The following CD226 variants were observed in gnomAD, a reference collection of about 807,000 sequenced individuals.
CD226 encodes CD226 molecule.
CD226 carries 24 observed loss-of-function variants against 34.9 expected under a neutral mutation model. That is an observed-to-expected ratio of 0.69 (90% CI 0.50 to 0.97). The LOEUF is 0.97. Among genes scored for constraint, CD226 ranks in the 50% least tolerant of loss-of-function variants. The pLI, the probability that CD226 is intolerant of heterozygous loss-of-function variation, is 0.00. For synonymous variants in CD226, 148 were observed against 147.4 expected (o/e 1.00, Z -0.03); for missense variants, 397 against 412.7 (o/e 0.96, Z 0.33).
In CD226 at chr18:69,935,549, C is replaced by A. The variant is rs191445070; in HGVS notation, c.382+11185G>T. Among the ~76,000 whole-genome samples the A allele has an allele frequency of 5.7e-3, 872 of 152,344 alleles. 5 individuals carry two copies. Among genetic ancestry groups the A allele is most frequent in the South Asian group, 0.016 (79 of 4,832 alleles). On this transcript the variant is annotated intron_variant, in intron 2 of 5. Transcript: ENST00000582621. ...CATGTGTGAGGCCACAGTCCCCACG[C>A]TGCATTGGCACCCACACACCACCAA...
At chr18:69,892,762 T>C (rs1984982135) in intron 3 of CD226, among the ~76,000 whole-genome samples, 1 of 151,512 alleles carries the variant, frequency 6.6e-6, no homozygotes, top group African/African-American at 2.4e-5. Context: ...TGTGTGTGTG[T>C]CCGTGTCTGT....
chr18:69,920,974 T>C (rs1008865393), intron 2 of CD226, among the ~76,000 whole-genome samples: 3 of 152,206 alleles, frequency 2.0e-5, no homozygotes, highest in African/African-American at 7.2e-5. Flanking sequence ...AACTCAGCCC[T>C]GTGTATTTGT....
rs188527958 is a variant in CD226 at position 69,908,495 on chromosome 18, G to C, written c.383-12450C>G. On this transcript the variant is annotated intron_variant, in intron 2 of 5. Coordinates refer to ENST00000582621, the MANE Select transcript of CD226 (RefSeq NM_001303618.2). ...CAACAGCAAGAATGACTAACACAAAGATGATGAACAGTGTTCTTAACCAAA... is the reference window on the plus strand; with the variant it reads ...CAACAGCAAGAATGACTAACACAAACATGATGAACAGTGTTCTTAACCAAA... Among the ~76,000 whole-genome samples the C allele has an allele frequency of 1.1e-4, 17 of 152,318 alleles. No homozygotes were observed. The East Asian group carries it at 3.3e-3, about 29-fold the overall frequency.
intron 2 of CD226, among the ~76,000 whole-genome samples, chr18:69,910,831 A>G (rs2055315180): frequency 6.6e-6 from 1 of 152,206 alleles, no homozygotes; most frequent in Admixed American, 6.5e-5. Flanking sequence ...AGATTATTAG[A>G]AGGGTAAGAG....
rs561288026 is a variant in CD226 at position 69,857,530 on chromosome 18, G to GATCAATCATGT, written c.*6783_*6784insACATGATTGAT. 48 of 152,338 alleles carry GATCAATCATGT rather than the reference G, an allele frequency of 3.2e-4. 1 individual carries two copies. Among genetic ancestry groups the GATCAATCATGT allele is most frequent in the Admixed American group, 2.7e-3 (42 of 15,294 alleles). The allele number at this position is 152,338 out of a possible 1,614,324, so 9.4% of individuals were successfully genotyped here. A position where few individuals can be genotyped will look rare whatever the true frequency, so the allele number is the denominator to read the frequency against. On this transcript the variant is annotated 3_prime_UTR_variant, in exon 6 of 6. Transcript: ENST00000582621. ...GGCATAAAGGATGTAATGAATACAT[G>GATCAATCATGT]ATTGAATAAGGATATATCTTAAGAA...
chr18:69,916,769 G>T (rs1476646730), intron 2 of CD226, among the ~76,000 whole-genome samples: 1 of 152,154 alleles, frequency 6.6e-6, no homozygotes, highest in East Asian at 1.9e-4. Flanking sequence ...CTCAATATGA[G>T]CACCCAATGG....
At chr18:69,957,360 T>A (rs530308767), upstream of CD226, among the ~76,000 whole-genome samples, 5 of 152,064 alleles carry the variant, frequency 3.3e-5, no homozygotes, top group African/African-American at 1.2e-4. Context: ...CTTTTTTTTT[T>A]CTTTGTCTCC....
chr18:69,910,345 G>T (rs1425776062), intron 2 of CD226, among the ~76,000 whole-genome samples: 2 of 152,168 alleles, frequency 1.3e-5, no homozygotes, highest in Non-Finnish European at 2.9e-5. Context: ...GCGTGGATAT[G>T]AGGTACCCCT....
At chr18:69,917,390 A>T (rs1041150850) in intron 2 of CD226, among the ~76,000 whole-genome samples, 9 of 152,116 alleles carry the variant, frequency 5.9e-5, no homozygotes, top group African/African-American at 2.2e-4. Flanking sequence ...TCCCTCCCCC[A>T]GCACCATCTT....
chr18:69,896,297 T>C (rs12606481), intron 2 of CD226: 24,729 of 310,484 alleles, frequency 0.08, 1,100 homozygotes, highest in East Asian at 0.15. Context: ...TTCTCCTGCC[T>C]CAGCCTCCTG....
At chr18:69,871,658 A>G (rs558727217) in intron 4 of CD226, among the ~76,000 whole-genome samples, 1 of 152,368 alleles carries the variant, frequency 6.6e-6, no homozygotes, top group South Asian at 2.1e-4. Context: ...AATGCAGCCA[A>G]ATGTGGGGAA....
chr18:69,864,230 C>A lies in CD226; in HGVS notation c.*84G>T. The stretch of plus-strand genomic sequence containing the variant: ...CAGACAACTAGTATCTAAGGTAGAC[C>A]TTGGGTAGTGGAAAAAAATTGCATA... On this transcript the variant is annotated 3_prime_UTR_variant, in exon 6 of 6. Transcript: ENST00000582621. The A allele has an allele frequency of 2.3e-6, 3 of 1,290,878 alleles. No individual in the cohort carries two copies. Among genetic ancestry groups the A allele is most frequent in the Non-Finnish European group, 2.2e-6 (2 of 906,752 alleles). The allele number at this position is 1,290,878 out of a possible 1,614,324, so 80.0% of individuals were successfully genotyped here.
At chr18:69,947,147 C>T in intron 1 of CD226, 78 bp from the exon 2 acceptor site, 1 of 1,231,802 alleles carries the variant, frequency 8.1e-7, no homozygotes, top group Non-Finnish European at 1.2e-6. Context: ...TTTTGAAGAC[C>T]TAGTGCATTG....
chr18:69,953,560 T>C (rs550121162), intron 1 of CD226, among the ~76,000 whole-genome samples: 8 of 152,340 alleles, frequency 5.3e-5, no homozygotes, highest in African/African-American at 1.9e-4. Flanking sequence ...TGCCAATTGA[T>C]TGACTGTTGG....
At position 69,882,548 on chromosome 18, in the gene CD226, C is replaced by T. The variant is rs146153099; in HGVS notation, c.728-9302G>A. ...GACACATTTATTGAGAAAAATGTTA[C>T]GGCTGACTCCTTTGTATTAGATATC... On this transcript the variant is annotated intron_variant, in intron 3 of 5. Coordinates refer to ENST00000582621, the MANE Select transcript of CD226 (RefSeq NM_001303618.2). Among the ~76,000 whole-genome samples, 16 of 152,250 alleles carry T rather than the reference C, an allele frequency of 1.1e-4. No individual in the cohort carries two copies. In the East Asian group the frequency reaches 1.9e-3, roughly 18 times the overall value.
intron 2 of CD226, 37 bp downstream of exon 2, chr18:69,946,696 TA>T: frequency 2.2e-6 from 3 of 1,354,926 alleles, no homozygotes; most frequent in Non-Finnish European, 3.1e-6. Flanking sequence ...TGTAAGTGGA[TA>T]AAAAGGGATT....
chr18:69,898,158 A>G (rs1985407600), intron 2 of CD226, among the ~76,000 whole-genome samples: 1 of 152,224 alleles, frequency 6.6e-6, no homozygotes, highest in Admixed American at 6.5e-5. Flanking sequence ...GACAACATAA[A>G]ATCAGATGCT....
intron 3 of CD226, among the ~76,000 whole-genome samples, chr18:69,886,878 T>C (rs567382451): frequency 8.6e-4 from 131 of 152,274 alleles, no homozygotes; most frequent in Middle Eastern, 6.8e-3. Flanking sequence ...TACCTCCAAA[T>C]AGACTATCCA....
intron 2 of CD226, among the ~76,000 whole-genome samples, chr18:69,944,319 TCTGACTGAAAA>T (rs1218706196): frequency 1.3e-5 from 2 of 152,212 alleles, no homozygotes; most frequent in Non-Finnish European, 2.9e-5. Flanking sequence ...TATTCCTTCC[TCTGACTGAAAA>T]CTGACTGAAA....
Sources: allele counts gnomAD v4.1 joint callset (sites outside exome capture counted in the v4.1 genomes callset), GRCh38; gene constraint gnomAD v4.1.1; transcripts MANE v1.5; gene names NCBI Gene and HGNC (gene_info 2026-07-23, HGNC 2026-07-21).